Variants in ANXA8 observed in about 807,000 individuals in gnomAD.
ANXA8 encodes the protein VAC-beta.
ANXA8 carries 9 observed loss-of-function variants against 26.8 expected under a neutral mutation model. That is an observed-to-expected ratio of 0.34 (90% confidence interval 0.20 to 0.59). The LOEUF (loss-of-function observed/expected upper bound fraction) is 0.59, where lower values mean the gene tolerates loss of function less well. Among genes scored for constraint, ANXA8 ranks in the 20% least tolerant of loss-of-function variants. The probability of loss-of-function intolerance (pLI) is 0.84; values close to 1 mark genes in which losing one functional copy is unlikely to be tolerated. For synonymous variants in ANXA8, 39 were observed against 94.8 expected, an observed-to-expected ratio of 0.41 and a Z score of 3.42; for missense variants, 83 against 238.5, an observed-to-expected ratio of 0.35 and a Z score of 4.29.
At chr10:47,627,420 G>A in the ANXA8 span, among the ~76,000 whole-genome samples, 1 of 150,092 alleles carries the variant, frequency 6.7e-6, no homozygotes, top group Non-Finnish European at 1.5e-5. Flanking sequence ...CACTCTATCG[G>A]TACTGTTAAC....
At chr10:47,644,386 A>G in the ANXA8 span, among the ~76,000 whole-genome samples, 33 of 151,910 alleles carry the variant, frequency 2.2e-4, no homozygotes, top group African/African-American at 7.8e-4. Flanking sequence ...TGGGCCATAT[A>G]ATCTCTATAC....
At chr10:47,967,600 A>ATGT in the ANXA8 span, among the ~76,000 whole-genome samples, 225 of 88,962 alleles carry the variant, frequency 2.5e-3, no homozygotes, top group African/African-American at 8.9e-3. Context: ...GCCCATGACC[A>ATGT]GCCAGTCACA....
At chr10:47,605,856 G>C in the ANXA8 span, among the ~76,000 whole-genome samples, 3 of 138,968 alleles carry the variant, frequency 2.2e-5, no homozygotes, top group Non-Finnish European at 4.6e-5. Flanking sequence ...GCACAAGAAA[G>C]CATTATCAAC....
the ANXA8 span, among the ~76,000 whole-genome samples, chr10:47,572,698 C>A: frequency 3.1e-5 from 4 of 130,032 alleles, no homozygotes; most frequent in East Asian, 4.3e-4. Context: ...GCCTGGGCAA[C>A]AAGAGTGAAA....
chr10:47,492,934 G>A, the ANXA8 span, among the ~76,000 whole-genome samples: 3 of 151,008 alleles, frequency 2.0e-5, no homozygotes, highest in East Asian at 4.1e-4. Flanking sequence ...ATGTGTCGGG[G>A]CCTGATTAGT....
At chr10:47,700,671 T>C in the ANXA8 span, among the ~76,000 whole-genome samples, 1 of 151,708 alleles carries the variant, frequency 6.6e-6, no homozygotes, top group Non-Finnish European at 1.5e-5. Context: ...GAAAAATAAA[T>C]TTTGCATAAC....
chr10:47,951,854 A>G, the ANXA8 span, among the ~76,000 whole-genome samples: 2 of 148,798 alleles, frequency 1.3e-5, no homozygotes, highest in Non-Finnish European at 3.0e-5. Flanking sequence ...ACATGCAAAC[A>G]TCCTTAAAAT....
chr10:47,776,622 C>A, the ANXA8 span, among the ~76,000 whole-genome samples: 1 of 151,978 alleles, frequency 6.6e-6, no homozygotes, highest in Admixed American at 6.6e-5. Context: ...ATCATTGGAT[C>A]TAAGTGGGGT....
the ANXA8 span, among the ~76,000 whole-genome samples, chr10:47,702,497 C>T: frequency 1.1e-3 from 166 of 151,358 alleles, 3 homozygotes; most frequent in Admixed American, 3.2e-3. Flanking sequence ...CGTGCCACCA[C>T]GCCCAGATAA....
chr10:47,958,356 G>T, the ANXA8 span, among the ~76,000 whole-genome samples: 37 of 147,288 alleles, frequency 2.5e-4, 2 homozygotes, highest in African/African-American at 9.1e-4. Flanking sequence ...GTGCACGCCT[G>T]TAATCCCAGC....
the ANXA8 span, among the ~76,000 whole-genome samples, chr10:47,607,801 G>A: frequency 1.9e-5 from 2 of 107,044 alleles, no homozygotes; most frequent in East Asian, 4.8e-4. Flanking sequence ...TATGCATTGG[G>A]AAATATTTGC....
the ANXA8 span, among the ~76,000 whole-genome samples, chr10:47,891,445 A>C: frequency 7.3e-6 from 1 of 136,784 alleles, no homozygotes; most frequent in African/African-American, 2.6e-5. Context: ...CTACAAAGTA[A>C]ACATTTAGAA....
At chr10:47,631,225 G>A in the ANXA8 span, among the ~76,000 whole-genome samples, 4 of 151,020 alleles carry the variant, frequency 2.6e-5, no homozygotes, top group Non-Finnish European at 4.4e-5. Flanking sequence ...GGTATAGTAC[G>A]AGAAAGGTAG....
chr10:47,514,299 A>G, the ANXA8 span, among the ~76,000 whole-genome samples: 12 of 150,314 alleles, frequency 8.0e-5, no homozygotes, highest in African/African-American at 1.7e-4. Context: ...AATAAGGAAT[A>G]AATTCATGGC....
upstream of ANXA8, chr10:47,487,460 C>T: frequency 1.5e-6 from 1 of 660,388 alleles, no homozygotes; most frequent in South Asian, 2.0e-5. Context: ...AACTTGTGTC[C>T]CCTTGAGTGG....
At chr10:47,977,753 T>C in the ANXA8 span, among the ~76,000 whole-genome samples, 2 of 151,432 alleles carry the variant, frequency 1.3e-5, no homozygotes, top group African/African-American at 4.8e-5. Context: ...TGAATATGGG[T>C]CAATTGAGAT....
the ANXA8 span, among the ~76,000 whole-genome samples, chr10:47,693,355 T>C: frequency 6.6e-6 from 1 of 150,962 alleles, no homozygotes; most frequent in African/African-American, 2.5e-5. Flanking sequence ...AGTGGCGCGA[T>C]GTCTGCTCAC....
At chr10:47,749,119 C>T in the ANXA8 span, among the ~76,000 whole-genome samples, 47 of 81,762 alleles carry the variant, frequency 5.7e-4, 1 homozygote, top group Admixed American at 5.7e-3. Flanking sequence ...CCTGTAGTCC[C>T]GCTACTCGGG....
At chr10:47,590,178 C>T in the ANXA8 span, 2 of 146,736 alleles carry the variant, frequency 1.4e-5, no homozygotes, top group African/African-American at 5.5e-5. Context: ...GCAGGATACA[C>T]CCATGTTCCA....
Sources: gnomAD v4.1 joint callset for allele counts (sites outside exome capture counted in the v4.1 genomes callset) on GRCh38, gnomAD v4.1.1 for gene constraint, MANE v1.5 for transcripts, NCBI Gene and HGNC (gene_info 2026-07-23, HGNC 2026-07-21) for gene names.